PTPRA: variants seen among roughly 807,000 people sequenced by gnomAD.
The protein encoded by PTPRA is receptor-type tyrosine-protein phosphatase alpha.
PTPRA carries 25 observed loss-of-function variants against 104.8 expected under a neutral mutation model. The observed-to-expected ratio is 0.24, with a 90% CI of 0.17 to 0.33. The LOEUF is 0.33. Ranked by LOEUF, PTPRA falls within the 10% of genes least tolerant of loss-of-function variation. PTPRA has a pLI of 1.00. For synonymous variants in PTPRA, 323 were observed against 368.9 expected (o/e 0.88, Z 1.43); for missense variants, 765 against 1,015.3 (o/e 0.75, Z 3.35).
chr20:2,967,929 G>GAGAAAGCTTTGTTAGATAATCTATT (rs1186785118), intron 5 of PTPRA, among the ~76,000 whole-genome samples: 3 of 152,194 alleles, frequency 2.0e-5, no homozygotes, highest in Non-Finnish European at 4.4e-5. Context: ...TCTACAAAGT[G>GAGAAAGCTTTGTTAGATAATCTATT]AGATCTGTTA....
Position 2,988,061 on chromosome 20 carries a change from A to G in PTPRA, c.557A>G (p.His186Arg). The change falls in exon 8 of 24, where the codon CAT (histidine) becomes CGT (arginine). Residue 186 changes from histidine to arginine, a missense_variant. Physicochemically the swap from His to Arg is conservative, Grantham distance 29 (BLOSUM62 0). Transcript: ENST00000399903. ...AAGAAATACAAGCAAGCTGGGAGCC[A>G]TTCCAATTCTTTCCGCTTATCCAAC... ...RFKKYKQAGS[H>R]SNSFRLSNGR... 2 of 1,589,692 alleles carry G rather than the reference A, an allele frequency of 1.3e-6. No homozygotes were observed. The highest frequency in any genetic ancestry group is 1.7e-6 in the Non-Finnish European group (2 of 1,157,772).
chr20:3,015,364 G>A (rs923439287), intron 11 of PTPRA, among the ~76,000 whole-genome samples: 3 of 148,316 alleles, frequency 2.0e-5, no homozygotes, highest in East Asian at 3.9e-4. Context: ...GTGCAGTGGC[G>A]CAATCTTGGC....
At chr20:2,909,971 T>TC (rs1350663764) in intron 1 of PTPRA, among the ~76,000 whole-genome samples, 1,271 of 119,242 alleles carry the variant, frequency 0.011, 24 homozygotes, top group African/African-American at 0.04. Context: ...ATGATATATA[T>TC]ATAATCTATC....
Position 2,988,044 on chromosome 20 carries a change from C to T in PTPRA, c.540C>T (p.Tyr180=). Reference sequence around the variant, plus strand: ...ATTTTCTCATTAGGTTTAAGAAATACAAGCAAGCTGGGAGCCATTCCAATT... The same window carrying T: ...ATTTTCTCATTAGGTTTAAGAAATATAAGCAAGCTGGGAGCCATTCCAATT... ...IVLYMLRFKK[Y]KQAGSHSNSF... The change falls in exon 8 of 24, where the codon TAC becomes TAT. Residue 180 remains tyrosine (Y), a synonymous_variant. Coordinates refer to ENST00000399903, the MANE Select transcript of PTPRA (RefSeq NM_001385305.1). The T allele has an allele frequency of 1.3e-6, 2 of 1,579,944 alleles. No homozygotes were observed. The highest frequency in any genetic ancestry group is 1.7e-6 in the Non-Finnish European group (2 of 1,148,898).
At chr20:2,887,682 G>T (rs2081942319) in intron 1 of PTPRA, among the ~76,000 whole-genome samples, 1 of 152,134 alleles carries the variant, frequency 6.6e-6, no homozygotes, top group African/African-American at 2.4e-5. Context: ...TTCAAATATT[G>T]GTTGACAAGT....
At chr20:2,999,070 T>C (rs1294799921) in intron 9 of PTPRA, among the ~76,000 whole-genome samples, 3 of 152,046 alleles carry the variant, frequency 2.0e-5, no homozygotes, top group African/African-American at 7.2e-5. Flanking sequence ...ATTTAATGCA[T>C]TTCTATACAT....
intron 2 of PTPRA, among the ~76,000 whole-genome samples, chr20:2,938,630 A>G (rs940480257): frequency 5.3e-5 from 8 of 151,706 alleles, no homozygotes; most frequent in African/African-American, 1.9e-4. Flanking sequence ...TTTTCAATCT[A>G]CTTTCTCTCT....
chr20:3,031,251 C>T (rs2065439314), intron 20 of PTPRA, among the ~76,000 whole-genome samples: 1 of 151,998 alleles, frequency 6.6e-6, no homozygotes, highest in Non-Finnish European at 1.5e-5. Context: ...AGACTTCATG[C>T]TATCTGGTGG....
chr20:2,913,308 G>A (rs12151888), intron 1 of PTPRA, among the ~76,000 whole-genome samples: 24,325 of 152,016 alleles, frequency 0.16, 2,131 homozygotes, highest in South Asian at 0.31. Context: ...AACCTAGGAG[G>A]CGGAGGTTGC....
intron 1 of PTPRA, among the ~76,000 whole-genome samples, chr20:2,881,851 A>T (rs1600049559): frequency 6.6e-6 from 1 of 152,064 alleles, no homozygotes; most frequent in African/African-American, 2.4e-5. Flanking sequence ...AAACACAGAA[A>T]TTAGCCAGGT....
At chr20:2,927,350 C>G (rs1358827443) in intron 2 of PTPRA, among the ~76,000 whole-genome samples, 2 of 152,186 alleles carry the variant, frequency 1.3e-5, no homozygotes, top group East Asian at 3.8e-4. Context: ...AGTGAATTCT[C>G]TCTCTGAAAC....
chr20:3,032,992 C>T (rs1207750548), intron 20 of PTPRA, among the ~76,000 whole-genome samples: 1 of 151,784 alleles, frequency 6.6e-6, no homozygotes, highest in African/African-American at 2.4e-5. Context: ...ACTTCCGTAG[C>T]ATCACCCCAC....
intron 1 of PTPRA, among the ~76,000 whole-genome samples, chr20:2,920,785 GA>G (rs2060069684): frequency 6.6e-6 from 1 of 151,792 alleles, no homozygotes; most frequent in African/African-American, 2.4e-5. Flanking sequence ...GGAAAGGGGG[GA>G]AAGTGATGGC....
At chr20:2,870,950 C>T (rs1287996875), upstream of PTPRA, among the ~76,000 whole-genome samples, 3 of 152,176 alleles carry the variant, frequency 2.0e-5, no homozygotes, top group Middle Eastern at 3.2e-3. Context: ...ACCCTTTACT[C>T]TGTGATGATG....
At chr20:2,867,306 G>T in the PTPRA span, among the ~76,000 whole-genome samples, 1 of 152,192 alleles carries the variant, frequency 6.6e-6, no homozygotes, top group Admixed American at 6.5e-5. Flanking sequence ...AGGGGGTGGT[G>T]GCCTTTGGAA....
At chr20:3,023,742 C>G (rs892734405) in intron 16 of PTPRA, among the ~76,000 whole-genome samples, 1 of 152,190 alleles carries the variant, frequency 6.6e-6, no homozygotes, top group African/African-American at 2.4e-5. Context: ...AACTCAGAGA[C>G]GAGTGCTGGC....
intron 1 of PTPRA, among the ~76,000 whole-genome samples, chr20:2,884,060 A>T (rs1221106131): frequency 2.6e-5 from 4 of 152,144 alleles, no homozygotes; most frequent in African/African-American, 9.7e-5. Flanking sequence ...ATGTTGTATC[A>T]TGTATCAGTA....
At chr20:3,036,039 G>C (rs1404844758) in intron 22 of PTPRA, 98 bp downstream of exon 22, 3 of 1,571,686 alleles carry the variant, frequency 1.9e-6, no homozygotes, top group African/African-American at 1.4e-5. Context: ...AGCCATACAA[G>C]AGCAAGATAT....
the PTPRA span, chr20:2,866,583 T>C: frequency 1.2e-6 from 2 of 1,613,668 alleles, no homozygotes; most frequent in South Asian, 1.1e-5. Context: ...GAGGAGTCCA[T>C]CCTGTACATC....
Sources: gnomAD v4.1 joint callset for allele counts (sites outside exome capture counted in the v4.1 genomes callset) on GRCh38, gnomAD v4.1.1 for gene constraint, MANE v1.5 for transcripts, NCBI Gene and HGNC (gene_info 2026-07-23, HGNC 2026-07-21) for gene names.